Variants in QTMAN observed in about 807,000 individuals in gnomAD.
QTMAN encodes tRNA-queuosine alpha-mannosyltransferase.
chr2:144,320,565 T>G, the QTMAN span, among the ~76,000 whole-genome samples: 10 of 152,166 alleles, frequency 6.6e-5, no homozygotes, highest in Non-Finnish European at 4.4e-5. Context: ...GAGCTCACCT[T>G]CAGGTCAAAT....
the QTMAN span, among the ~76,000 whole-genome samples, chr2:144,176,855 C>G: frequency 6.6e-6 from 1 of 152,080 alleles, no homozygotes; most frequent in Admixed American, 6.6e-5. Flanking sequence ...AAGAAATACC[C>G]AAGACTGGGT....
chr2:144,176,596 C>CA, the QTMAN span, among the ~76,000 whole-genome samples: 3 of 151,836 alleles, frequency 2.0e-5, no homozygotes, highest in Admixed American at 2.0e-4. Flanking sequence ...CACCATCATC[C>CA]AAAAAAATCA....
At chr2:144,118,438 C>A in the QTMAN span, among the ~76,000 whole-genome samples, 1 of 152,112 alleles carries the variant, frequency 6.6e-6, no homozygotes, top group South Asian at 2.1e-4. Context: ...CTGGCTATTA[C>A]CGAGATTAAA....
chr2:144,143,482 A>C, the QTMAN span, among the ~76,000 whole-genome samples: 1 of 151,964 alleles, frequency 6.6e-6, no homozygotes, highest in Non-Finnish European at 1.5e-5. Context: ...GCAGAATAAA[A>C]AATGAACAAA....
At chr2:144,111,233 T>C in the QTMAN span, among the ~76,000 whole-genome samples, 1 of 152,066 alleles carries the variant, frequency 6.6e-6, no homozygotes, top group African/African-American at 2.4e-5. Flanking sequence ...GGTAAGAAGG[T>C]AGGCTTTGAT....
the QTMAN span, among the ~76,000 whole-genome samples, chr2:144,133,310 AAT>A: frequency 9.9e-5 from 4 of 40,228 alleles, no homozygotes; most frequent in Non-Finnish European, 1.9e-4. Context: ...TGTTCATATA[AAT>A]ATATATGTAT....
the QTMAN span, among the ~76,000 whole-genome samples, chr2:143,969,543 G>A: frequency 6.6e-6 from 1 of 152,164 alleles, no homozygotes; most frequent in African/African-American, 2.4e-5. Flanking sequence ...GGCCATGTGT[G>A]CTTGTGTGCA....
the QTMAN span, among the ~76,000 whole-genome samples, chr2:144,147,661 G>GT: frequency 2.0e-5 from 3 of 151,732 alleles, no homozygotes; most frequent in African/African-American, 4.8e-5. Flanking sequence ...CAAGCATAAT[G>GT]TTTTTCACAC....
At chr2:144,274,382 T>C in the QTMAN span, among the ~76,000 whole-genome samples, 2 of 152,334 alleles carry the variant, frequency 1.3e-5, no homozygotes, top group East Asian at 3.9e-4. Flanking sequence ...GAGGTGATTC[T>C]TACTAGGCTC....
At chr2:144,101,550 C>T in the QTMAN span, among the ~76,000 whole-genome samples, 1 of 152,112 alleles carries the variant, frequency 6.6e-6, no homozygotes, top group African/African-American at 2.4e-5. Context: ...CTCACACTGG[C>T]ACATAACAAT....
At chr2:144,259,072 T>C in the QTMAN span, among the ~76,000 whole-genome samples, 1 of 152,198 alleles carries the variant, frequency 6.6e-6, no homozygotes, top group African/African-American at 2.4e-5. Flanking sequence ...GATAGGACAG[T>C]CAGTGGATGT....
the QTMAN span, among the ~76,000 whole-genome samples, chr2:144,099,260 T>C: frequency 1.3e-5 from 2 of 152,228 alleles, no homozygotes; most frequent in African/African-American, 4.8e-5. Context: ...AGTAGTCTAA[T>C]ACAAGTGATA....
the QTMAN span, among the ~76,000 whole-genome samples, chr2:144,250,575 G>A: frequency 6.6e-5 from 10 of 151,502 alleles, no homozygotes; most frequent in African/African-American, 2.2e-4. Flanking sequence ...AATTTGTTAC[G>A]TTTCTGACAC....
At chr2:144,164,163 A>T in the QTMAN span, among the ~76,000 whole-genome samples, 1 of 152,106 alleles carries the variant, frequency 6.6e-6, no homozygotes, top group African/African-American at 2.4e-5. Flanking sequence ...ACCTCAGGTG[A>T]TCCAACCACC....
At chr2:144,102,473 C>G in the QTMAN span, among the ~76,000 whole-genome samples, 1 of 152,168 alleles carries the variant, frequency 6.6e-6, no homozygotes. Context: ...AGGACACTGA[C>G]GCCCACAGCA....
At chr2:143,944,230 T>C in the QTMAN span, 4 of 149,278 alleles carry the variant, frequency 2.7e-5, no homozygotes, top group Non-Finnish European at 4.4e-5. Flanking sequence ...GAAGCATGAA[T>C]GTGCGTGTGC....
the QTMAN span, among the ~76,000 whole-genome samples, chr2:144,159,274 A>T: frequency 6.6e-6 from 1 of 152,092 alleles, no homozygotes; most frequent in East Asian, 1.9e-4. Context: ...GCCTGAAATA[A>T]TTCTTTCAAC....
chr2:144,325,555 A>G, the QTMAN span, among the ~76,000 whole-genome samples: 2 of 152,058 alleles, frequency 1.3e-5, no homozygotes, highest in African/African-American at 4.8e-5. Flanking sequence ...GTACCTTGAC[A>G]TGCATCATTT....
the QTMAN span, among the ~76,000 whole-genome samples, chr2:144,324,205 T>C: frequency 6.6e-6 from 1 of 152,110 alleles, no homozygotes; most frequent in Non-Finnish European, 1.5e-5. Context: ...CACGCAGGAG[T>C]GTATTATTTG....
Sources: allele counts gnomAD v4.1 joint callset (sites outside exome capture counted in the v4.1 genomes callset), GRCh38; gene constraint gnomAD v4.1.1; transcripts MANE v1.5; gene names NCBI Gene and HGNC (gene_info 2026-07-23, HGNC 2026-07-21).